The following TCAIM variants were observed in gnomAD, a reference collection of about 807,000 sequenced individuals.
TCAIM encodes the protein T-cell activation inhibitor, mitochondrial.
Under a neutral mutation model 58.6 loss-of-function variants are expected in TCAIM, and 36 were observed. That is an observed-to-expected ratio of 0.61 (90% confidence interval 0.47 to 0.81). TCAIM has a LOEUF of 0.81. Among genes scored for constraint, TCAIM ranks in the 30% least tolerant of loss-of-function variants. The pLI is 0.00. For missense variants in TCAIM, 466 were observed against 579.6 expected (o/e 0.80, Z 2.01); for synonymous variants, 172 against 193.6 (o/e 0.89, Z 0.93).
intron 6 of TCAIM, 119 bp from the exon 7 acceptor site, chr3:44,396,281 A>AT: frequency 1.4e-6 from 1 of 719,224 alleles, no homozygotes; most frequent in South Asian, 2.1e-5. Context: ...AAAACATGTT[A>AT]TGTGTGTGCT....
chr3:44,386,661 G>A (rs997097838), intron 5 of TCAIM, among the ~76,000 whole-genome samples: 1 of 152,250 alleles, frequency 6.6e-6, no homozygotes, highest in African/African-American at 2.4e-5. Flanking sequence ...GCAGAGCCTG[G>A]GCACTGTCAC....
At chr3:44,385,051 G>A (rs1701717249) in intron 5 of TCAIM, among the ~76,000 whole-genome samples, 1 of 152,194 alleles carries the variant, frequency 6.6e-6, no homozygotes, top group Non-Finnish European at 1.5e-5. Context: ...ATTTGTCCTG[G>A]AGAGCCCAGC....
chr3:44,361,534 C>A lies in TCAIM; in HGVS notation c.319+16C>A. ...AGTACTTCCGGTACGTTTTTTATTTCTGGTGTGTCCCTTGCAAGCTTAATG... is the reference window on the plus strand; with the variant it reads ...AGTACTTCCGGTACGTTTTTTATTTATGGTGTGTCCCTTGCAAGCTTAATG... On this transcript the variant is annotated intron_variant, in intron 4 of 10. Coordinates refer to ENST00000342649, the MANE Select transcript of TCAIM (RefSeq NM_173826.4). 1.3e-6 allele frequency: 2 copies of A among 1,574,410 alleles called. No homozygotes were observed. The highest frequency in any genetic ancestry group is 1.7e-6 in the Non-Finnish European group (2 of 1,164,242).
intron 5 of TCAIM, among the ~76,000 whole-genome samples, chr3:44,387,933 G>T (rs754685451): frequency 7.2e-5 from 11 of 151,978 alleles, no homozygotes; most frequent in South Asian, 4.1e-4. Flanking sequence ...AAGAAAATTT[G>T]CAGAAATAAT....
intron 5 of TCAIM, among the ~76,000 whole-genome samples, chr3:44,385,627 C>A (rs1420311317): frequency 1.3e-5 from 2 of 152,136 alleles, no homozygotes; most frequent in South Asian, 2.1e-4. Context: ...CCTGTAGTCC[C>A]AGCTACTTGG....
At chr3:44,364,319 G>C (rs1458293400) in intron 4 of TCAIM, among the ~76,000 whole-genome samples, 1 of 151,212 alleles carries the variant, frequency 6.6e-6, no homozygotes, top group Non-Finnish European at 1.5e-5. Context: ...ATGACAAAAA[G>C]ATGATGCTAA....
At chr3:44,374,326 A>C (rs931127551) in intron 5 of TCAIM, among the ~76,000 whole-genome samples, 35 of 147,090 alleles carry the variant, frequency 2.4e-4, no homozygotes, top group Non-Finnish European at 4.6e-4. Context: ...TTGTGAATGC[A>C]TTTCTAGTAG....
chr3:44,352,292 A>G (rs1273408666), intron 1 of TCAIM, among the ~76,000 whole-genome samples: 1 of 152,060 alleles, frequency 6.6e-6, no homozygotes, highest in Non-Finnish European at 1.5e-5. Context: ...TATGCAAATA[A>G]TAGGGCCTTG....
At chr3:44,371,342 GCCA>G (rs1193350075) in intron 5 of TCAIM, among the ~76,000 whole-genome samples, 1 of 152,126 alleles carries the variant, frequency 6.6e-6, no homozygotes, top group Non-Finnish European at 1.5e-5. Flanking sequence ...ACAGACATGA[GCCA>G]CCATGCCCGG....
At chr3:44,380,167 G>A (rs1701632713) in intron 5 of TCAIM, among the ~76,000 whole-genome samples, 1 of 152,124 alleles carries the variant, frequency 6.6e-6, no homozygotes, top group African/African-American at 2.4e-5. Flanking sequence ...GTTGATTAAT[G>A]GGTCCAGATA....
chr3:44,358,271 C>A, intron 3 of TCAIM: 1 of 1,191,764 alleles, frequency 8.4e-7, no homozygotes, highest in Non-Finnish European at 1.2e-6. Flanking sequence ...ATGATGCATG[C>A]TGCTGGACCA....
rs1189388089 is a variant in TCAIM, at chr3:44,400,524, T to G, written c.1055T>G (p.Leu352Arg). The change falls in exon 9 of 11, where the codon CTG (leucine) becomes CGG (arginine). Residue 352 changes from leucine (L) to arginine (R), a missense_variant. Transcript: ENST00000342649. ...YSLLDVFYNR[L>R]LKSRILFHPR... ...CTTCTTGATGTGTTTTATAATAGACTGTTGAAAAGTAGAATACTATTTCAC... is the reference window on the plus strand; with the variant it reads ...CTTCTTGATGTGTTTTATAATAGACGGTTGAAAAGTAGAATACTATTTCAC... 1.2e-6 allele frequency: 2 copies of G among 1,613,688 alleles called. No individual in the cohort carries two copies. The highest frequency in any genetic ancestry group is 1.7e-6 in the Non-Finnish European group (2 of 1,179,890).
intron 1 of TCAIM, among the ~76,000 whole-genome samples, chr3:44,344,852 C>T (rs1700932753): frequency 6.6e-6 from 1 of 151,708 alleles, no homozygotes; most frequent in Admixed American, 6.6e-5. Flanking sequence ...CGGGCAGGGG[C>T]GGGGGTCACA....
intron 9 of TCAIM, chr3:44,400,915 C>A: frequency 2.1e-6 from 1 of 483,866 alleles, no homozygotes; most frequent in Non-Finnish European, 3.7e-6. Flanking sequence ...GAGCACTGTG[C>A]TGGGTACTTA....
chr3:44,345,563 C>T (rs958220988), intron 1 of TCAIM, among the ~76,000 whole-genome samples: 10 of 151,928 alleles, frequency 6.6e-5, no homozygotes, highest in Non-Finnish European at 1.2e-4. Context: ...ACGAGTCCTC[C>T]ACGATTTTGG....
intron 3 of TCAIM, chr3:44,359,889 TA>T (rs1354862581): frequency 6.6e-6 from 1 of 152,226 alleles, no homozygotes; most frequent in Non-Finnish European, 1.5e-5. Flanking sequence ...GCCTAGAGTT[TA>T]ATGGTTCTGA....
rs371148153 is a variant in TCAIM, at chr3:44,384,664, A to G, written c.573-8191A>G. 3.9e-5 allele frequency among the ~76,000 whole-genome samples: 6 copies of G among 152,284 alleles called. No individual in the cohort carries two copies. In the East Asian group the frequency reaches 9.7e-4, roughly 24 times the overall value. ...TTTCATAGTTTTTGCTTGATGTGGG[A>G]ACAGATCATTCAAAGTTGTTTAATG... On this transcript the variant is annotated intron_variant, in intron 5 of 10. Transcript: ENST00000342649.
intron 1 of TCAIM, among the ~76,000 whole-genome samples, chr3:44,348,416 C>T (rs1010417080): frequency 8.5e-5 from 13 of 152,312 alleles, no homozygotes; most frequent in Non-Finnish European, 7.3e-5. Context: ...AGATGGGACA[C>T]GGCCTAGGAG....
chr3:44,360,113 C>G (rs529976435), intron 3 of TCAIM, among the ~76,000 whole-genome samples: 1 of 152,256 alleles, frequency 6.6e-6, no homozygotes, highest in East Asian at 1.9e-4. Flanking sequence ...TAAAACTACC[C>G]TATTTTAAAT....
Sources: allele counts gnomAD v4.1 joint callset (sites outside exome capture counted in the v4.1 genomes callset), GRCh38; gene constraint gnomAD v4.1.1; transcripts MANE v1.5; gene names NCBI Gene and HGNC (gene_info 2026-07-23, HGNC 2026-07-21).